The following ABI3BP variants were observed in gnomAD, a reference collection of about 807,000 sequenced individuals.
ABI3BP encodes ABI family member 3 binding protein.
Under a neutral mutation model 268.6 loss-of-function variants are expected in ABI3BP, and 216 were observed. The ratio of observed to expected loss-of-function variants is 0.80; its 90% CI spans 0.72 to 0.90. The LOEUF is 0.90. Among genes scored for constraint, ABI3BP ranks in the 40% least tolerant of loss-of-function variants. The probability of loss-of-function intolerance (pLI) is 0.00; values close to 1 mark genes in which losing one functional copy is unlikely to be tolerated. For synonymous variants in ABI3BP, 730 were observed against 730.0 expected (o/e 1.00, Z 0.00); for missense variants, 2,090 against 2,182.4 (o/e 0.96, Z 0.84).
intron 19 of ABI3BP, 91 bp from the exon 20 acceptor site, chr3:100,846,537 A>G (rs921734810): frequency 2.3e-6 from 2 of 854,056 alleles, no homozygotes; most frequent in Non-Finnish European, 3.6e-6. Flanking sequence ...GAAATAAACT[A>G]TACATTAAAT....
chr3:100,812,553 A>C (rs560776120), intron 45 of ABI3BP, 30 bp from the exon 46 acceptor site: 4 of 1,294,236 alleles, frequency 3.1e-6, no homozygotes, highest in South Asian at 4.9e-5. Context: ...GGTACAATTG[A>C]TAAAGGATAG....
intron 24 of ABI3BP, among the ~76,000 whole-genome samples, chr3:100,839,016 G>A (rs2098652092): frequency 6.6e-6 from 1 of 152,136 alleles, no homozygotes; most frequent in Non-Finnish European, 1.5e-5. Flanking sequence ...GACTTTTAAT[G>A]CTGTCAAGTT....
Position 100,864,843 on chromosome 3 carries a change from T to C in ABI3BP, c.1053A>G (p.Glu351=). 6.2e-7 allele frequency: 1 copy of C among 1,605,696 alleles called. No individual in the cohort carries two copies. The highest frequency in any genetic ancestry group is 8.5e-7 in the Non-Finnish European group (1 of 1,176,954). ...PTTSSALDVS[E]TTLVLSKRTP... ...AGTTCTTAGAATTACCCAGTGTTGT[T>C]TCTGAAACATCTAATGCACTAGACG... is the stretch of plus-strand genomic sequence containing the variant. The change falls in exon 11 of 68, where the codon GAA becomes GAG. Residue 351 remains glutamate, a synonymous_variant. Transcript: ENST00000471714.
chr3:100,837,754 CTAAA>C (rs1017696977), intron 26 of ABI3BP, among the ~76,000 whole-genome samples: 1 of 151,994 alleles, frequency 6.6e-6, no homozygotes, highest in East Asian at 1.9e-4. Context: ...GACTCCATCT[CTAAA>C]TAAATAAATA....
intron 12 of ABI3BP, 37 bp downstream of exon 12, chr3:100,863,965 A>G: frequency 2.2e-6 from 3 of 1,365,894 alleles, no homozygotes; most frequent in Non-Finnish European, 3.0e-6. Flanking sequence ...ACAATATCCA[A>G]GGTAATAATA....
At chr3:100,759,086 T>G (rs982092913) in intron 63 of ABI3BP, among the ~76,000 whole-genome samples, 10 of 152,224 alleles carry the variant, frequency 6.6e-5, no homozygotes, top group Non-Finnish European at 1.5e-4. Flanking sequence ...CTTACTGATT[T>G]AAAAAGTTGG....
chr3:100,848,950 A>G, intron 17 of ABI3BP, 75 bp from the exon 18 acceptor site: 1 of 1,248,928 alleles, frequency 8.0e-7, no homozygotes, highest in African/African-American at 1.5e-5. Flanking sequence ...GTAAATTTGC[A>G]AACTCCAAGT....
intron 6 of ABI3BP, among the ~76,000 whole-genome samples, chr3:100,879,354 G>A (rs969811855): frequency 1.3e-4 from 20 of 152,328 alleles, no homozygotes; most frequent in Admixed American, 5.9e-4. Flanking sequence ...CAGCTGCAGA[G>A]GCTTTTGAAT....
chr3:100,788,074 G>C (rs1252883802), intron 56 of ABI3BP, among the ~76,000 whole-genome samples: 6 of 152,090 alleles, frequency 3.9e-5, no homozygotes, highest in Admixed American at 3.3e-4. Flanking sequence ...ATCCGAAGTG[G>C]GAAAGATCTT....
chr3:100,934,716 C>T (rs2065256003), intron 1 of ABI3BP, among the ~76,000 whole-genome samples: 1 of 146,024 alleles, frequency 6.8e-6, no homozygotes, highest in Non-Finnish European at 1.5e-5. Context: ...TTTTGATTTG[C>T]ATTTCTCTAA....
intron 1 of ABI3BP, among the ~76,000 whole-genome samples, chr3:100,954,402 A>G (rs1439088103): frequency 1.3e-5 from 2 of 152,210 alleles, no homozygotes; most frequent in Non-Finnish European, 2.9e-5. Flanking sequence ...CTGGCTCACT[A>G]TCAGTCACGA....
At chr3:100,919,161 CT>C (rs201367317) in intron 2 of ABI3BP, among the ~76,000 whole-genome samples, 10 of 152,180 alleles carry the variant, frequency 6.6e-5, no homozygotes, top group African/African-American at 1.9e-4. Context: ...TATCCTGTTT[CT>C]TTTTTTCATA....
At chr3:100,885,767 C>T (rs2041698215) in intron 5 of ABI3BP, among the ~76,000 whole-genome samples, 179 bp from the exon 6 acceptor site, 2 of 152,090 alleles carry the variant, frequency 1.3e-5, no homozygotes, top group African/African-American at 4.8e-5. Flanking sequence ...TGGAAGAAAG[C>T]TCAAGGTTCC....
rs536274635 is a variant in ABI3BP at position 100,905,406 on chromosome 3, T to TATA, written c.260-2723_260-2721dup. 4.2e-3 allele frequency among the ~76,000 whole-genome samples: 639 copies of TATA among 152,034 alleles called. 1 individual carries two copies. Among genetic ancestry groups the TATA allele is most frequent in the African/African-American group, 0.014 (592 of 41,434 alleles). On this transcript the variant is annotated intron_variant, in intron 2 of 67. Coordinates refer to ENST00000471714, the MANE Select transcript of ABI3BP (RefSeq NM_001375547.2). ...TGCACAGGTACCCTAAAACTTAAAGTATAATAATAAAAAAAAGAAATACGA... is the reference window on the plus strand; with the variant it reads ...TGCACAGGTACCCTAAAACTTAAAGTATAATAATAATAAAAAAAAGAAATACGA...
chr3:100,825,897 G>A (rs1424759076), intron 34 of ABI3BP, 53 bp from the exon 35 acceptor site: 1 of 1,296,280 alleles, frequency 7.7e-7, no homozygotes, highest in Non-Finnish European at 1.1e-6. Context: ...GGGAGCTATA[G>A]TATTCACATC....
At chr3:100,967,529 A>G (rs1422614197) in intron 1 of ABI3BP, among the ~76,000 whole-genome samples, 2 of 151,086 alleles carry the variant, frequency 1.3e-5, no homozygotes, top group Non-Finnish European at 2.9e-5. Flanking sequence ...AAGAAATATT[A>G]TTAGAGATTG....
chr3:100,917,216 C>G (rs2058873810), intron 2 of ABI3BP, among the ~76,000 whole-genome samples: 1 of 152,116 alleles, frequency 6.6e-6, no homozygotes, highest in Non-Finnish European at 1.5e-5. Context: ...CAGGAGCTTA[C>G]TATTTTGCTG....
At chr3:100,968,790 T>C (rs1430113205) in intron 1 of ABI3BP, among the ~76,000 whole-genome samples, 1 of 152,158 alleles carries the variant, frequency 6.6e-6, no homozygotes, top group Admixed American at 6.5e-5. Context: ...GCTGCACCCA[T>C]CAACCCGTCA....
Position 100,753,829 on chromosome 3 carries a change from C to T in ABI3BP, c.4950G>A (p.Glu1650=). Residue 1650 remains glutamate, a synonymous_variant, in exon 65 of 68, where the codon GAG becomes GAA. Transcript: ENST00000471714. ...STESADPRVS[E]PVSAGRDAIW... ...GAGACAGGTACTTACCAGAAACTGG[C>T]TCACTCACTCTTGGGTCCGCTGAGG... 1.2e-6 allele frequency: 2 copies of T among 1,611,132 alleles called. No homozygotes were observed. Among genetic ancestry groups the T allele is most frequent in the South Asian group, 2.2e-5 (2 of 90,132 alleles).
Sources: gnomAD v4.1 joint callset for allele counts (sites outside exome capture counted in the v4.1 genomes callset) on GRCh38, gnomAD v4.1.1 for gene constraint, MANE v1.5 for transcripts, NCBI Gene and HGNC (gene_info 2026-07-23, HGNC 2026-07-21) for gene names.